The following IGF2BP3 variants were observed in gnomAD, a reference collection of about 807,000 sequenced individuals.
IGF2BP3 encodes insulin-like growth factor 2 mRNA-binding protein 3.
In IGF2BP3, 9 loss-of-function variants were observed where a neutral mutation model predicts 73.8. The ratio of observed to expected loss-of-function variants is 0.12; its 90% CI spans 0.07 to 0.21. The LOEUF is 0.21. Among genes scored for constraint, IGF2BP3 ranks in the 10% least tolerant of loss-of-function variants. The pLI is 1.00. For synonymous variants in IGF2BP3, 258 were observed against 256.7 expected (o/e 1.01, Z -0.05); for missense variants, 542 against 714.0 (o/e 0.76, Z 2.75).
intron 3 of IGF2BP3, among the ~76,000 whole-genome samples, chr7:23,368,343 A>AAAGAAAGAAAG (rs1785444088): frequency 2.2e-5 from 3 of 137,924 alleles, no homozygotes; most frequent in Non-Finnish European, 4.6e-5. Flanking sequence ...AAGAAAGAAA[A>AAAGAAAGAAAG]AAAGAAAGAA....
chr7:23,446,470 T>G (rs1788067188), intron 2 of IGF2BP3, among the ~76,000 whole-genome samples: 1 of 151,926 alleles, frequency 6.6e-6, no homozygotes, highest in African/African-American at 2.4e-5. Flanking sequence ...GGCAGGAGAA[T>G]CACTTGAACC....
At position 23,312,079 on chromosome 7, in the gene IGF2BP3, A is replaced by T. The variant is rs1783845986; in HGVS notation, c.*283T>A. 3 of 390,966 alleles carry T rather than the reference A, an allele frequency of 7.7e-6. No individual in the cohort carries two copies. Among genetic ancestry groups the T allele is most frequent in the Non-Finnish European group, 1.4e-5 (3 of 218,102 alleles). 24.2% of individuals were successfully genotyped at this position (390,966 alleles called of 1,614,324 possible). Reference sequence around the variant, plus strand: ...AGAATATCTGTTATACTGTGAGACTACAACAAAGGGAAGTGCAGAGCTCTT... The same window carrying T: ...AGAATATCTGTTATACTGTGAGACTTCAACAAAGGGAAGTGCAGAGCTCTT... On this transcript the variant is annotated 3_prime_UTR_variant, in exon 15 of 15. Transcript: ENST00000258729.
intron 2 of IGF2BP3, among the ~76,000 whole-genome samples, chr7:23,448,295 T>C (rs771457707): frequency 6.6e-6 from 1 of 152,254 alleles, no homozygotes; most frequent in Non-Finnish European, 1.5e-5. Flanking sequence ...AGGGTTCATT[T>C]CAGTTTGAAG....
intron 2 of IGF2BP3, among the ~76,000 whole-genome samples, chr7:23,451,944 A>AG (rs1362067512): frequency 6.6e-6 from 1 of 151,794 alleles, no homozygotes; most frequent in Non-Finnish European, 1.5e-5. Context: ...CAAGATAAAA[A>AG]AAAAAAAAAG....
intron 2 of IGF2BP3, among the ~76,000 whole-genome samples, chr7:23,435,791 T>C (rs1339090583): frequency 6.6e-6 from 1 of 151,466 alleles, no homozygotes. Context: ...ACAGTCTCGC[T>C]CTGCAGCCCA....
intron 5 of IGF2BP3, chr7:23,361,285 T>G (rs1032320066): frequency 1.4e-5 from 5 of 346,974 alleles, no homozygotes; most frequent in Non-Finnish European, 2.1e-5. Flanking sequence ...AGGGTGTGAT[T>G]CAGTTTCATA....
intron 3 of IGF2BP3, among the ~76,000 whole-genome samples, chr7:23,408,324 G>C (rs1786911874): frequency 6.6e-6 from 1 of 152,012 alleles, no homozygotes; most frequent in African/African-American, 2.4e-5. Context: ...AAAATCCCAA[G>C]CAATCTATTA....
At chr7:23,384,383 T>G (rs1322993945) in intron 3 of IGF2BP3, among the ~76,000 whole-genome samples, 1 of 152,174 alleles carries the variant, frequency 6.6e-6, no homozygotes, top group African/African-American at 2.4e-5. Context: ...ATTGTGGTAG[T>G]ATGTATTTGT....
chr7:23,462,007 G>T (rs569726611), intron 2 of IGF2BP3, among the ~76,000 whole-genome samples: 8 of 150,918 alleles, frequency 5.3e-5, no homozygotes, highest in African/African-American at 1.9e-4. Context: ...ACTCTGCCAG[G>T]AAAAAAAAAC....
chr7:23,382,093 T>C (rs1041443080), intron 3 of IGF2BP3, among the ~76,000 whole-genome samples: 5 of 151,764 alleles, frequency 3.3e-5, no homozygotes, highest in African/African-American at 1.2e-4. Context: ...TTACAAAAAA[T>C]AAATTAGCCA....
At chr7:23,317,983 T>C in intron 11 of IGF2BP3, 1 of 505,980 alleles carries the variant, frequency 2.0e-6, no homozygotes, top group Non-Finnish European at 3.6e-6. Context: ...GAAGTAGTAT[T>C]ACCTCCACTT....
In IGF2BP3 at chr7:23,342,050, G is replaced by A. The variant is rs758214532; in HGVS notation, c.1203+14C>T. On this transcript the variant is annotated intron_variant, in intron 10 of 14. Coordinates refer to ENST00000258729, the MANE Select transcript of IGF2BP3 (RefSeq NM_006547.3). ...TTGCCCAATCACAAAGAAAGCCAAGGCCAGTTATCTTACCTCAAACTGCGG... is the reference window on the plus strand; with the variant it reads ...TTGCCCAATCACAAAGAAAGCCAAGACCAGTTATCTTACCTCAAACTGCGG... 1.3e-6 allele frequency: 2 copies of A among 1,550,502 alleles called. No homozygotes were observed. Among genetic ancestry groups the A allele is most frequent in the Non-Finnish European group, 1.7e-6 (2 of 1,155,712 alleles).
At chr7:23,393,341 G>A (rs1042706083) in intron 3 of IGF2BP3, among the ~76,000 whole-genome samples, 1 of 152,140 alleles carries the variant, frequency 6.6e-6, no homozygotes, top group Admixed American at 6.5e-5. Flanking sequence ...ATAACTAAAA[G>A]CTAGTTCAAT....
chr7:23,329,335 C>A (rs1784386321), intron 10 of IGF2BP3, among the ~76,000 whole-genome samples: 1 of 152,082 alleles, frequency 6.6e-6, no homozygotes, highest in Admixed American at 6.5e-5. Context: ...CAAGAGTATT[C>A]CCTCAAATAG....
At chr7:23,447,086 C>G (rs1788084198) in intron 2 of IGF2BP3, among the ~76,000 whole-genome samples, 1 of 151,930 alleles carries the variant, frequency 6.6e-6, no homozygotes. Flanking sequence ...CACCTGTAAT[C>G]CCAGCTACTT....
intron 10 of IGF2BP3, among the ~76,000 whole-genome samples, chr7:23,320,135 C>A (rs2128493013): frequency 6.6e-6 from 1 of 151,266 alleles, no homozygotes; most frequent in Non-Finnish European, 1.5e-5. Flanking sequence ...TGGTCTTGAA[C>A]TCCTGACCTC....
intron 10 of IGF2BP3, among the ~76,000 whole-genome samples, chr7:23,335,841 T>A (rs1161519274): frequency 6.6e-6 from 1 of 152,222 alleles, no homozygotes; most frequent in African/African-American, 2.4e-5. Flanking sequence ...GCCAATTCCT[T>A]CTTCCCTACT....
chr7:23,454,824 G>A (rs1788278607), intron 2 of IGF2BP3, among the ~76,000 whole-genome samples: 1 of 152,180 alleles, frequency 6.6e-6, no homozygotes, highest in Non-Finnish European at 1.5e-5. Context: ...CATCACTTGG[G>A]ATGTCTTTAA....
At position 23,343,745 on chromosome 7, in the gene IGF2BP3, A is replaced by G; in HGVS notation, c.1050T>C (p.Ser350=). ...TCATAGAAGCAATATCATTTTCATA[A>G]GACTCCCTGATTTTCTTCATGATCT... ...EEEIMKKIRE[S]YENDIASMNL... is the part of the protein sequence containing the mutation. Residue 350 remains serine (S), a synonymous_variant, in exon 9 of 15, where the codon TCT becomes TCC. Coordinates refer to ENST00000258729, the MANE Select transcript of IGF2BP3 (RefSeq NM_006547.3). 1.2e-6 allele frequency: 2 copies of G among 1,612,266 alleles called. No homozygotes were observed. Among genetic ancestry groups the G allele is most frequent in the Non-Finnish European group, 1.7e-6 (2 of 1,179,556 alleles).
Sources: gnomAD v4.1 joint callset for allele counts (sites outside exome capture counted in the v4.1 genomes callset) on GRCh38, gnomAD v4.1.1 for gene constraint, MANE v1.5 for transcripts, NCBI Gene and HGNC (gene_info 2026-07-23, HGNC 2026-07-21) for gene names.